Variants in TENM3 observed in about 807,000 individuals in gnomAD.
TENM3 encodes the protein teneurin-3.
In TENM3, 63 loss-of-function variants were observed where a neutral mutation model predicts 255.1. The ratio of observed to expected loss-of-function variants is 0.25; its 90% CI spans 0.20 to 0.30. The LOEUF (loss-of-function observed/expected upper bound fraction) is 0.30, where lower values mean the gene tolerates loss of function less well. Ranked by LOEUF, TENM3 falls within the 10% of genes least tolerant of loss-of-function variation. TENM3 has a pLI of 1.00. For synonymous variants in TENM3, 1,306 were observed against 1,322.3 expected, an observed-to-expected ratio of 0.99 and a Z score of 0.27; for missense variants, 2,929 against 3,461.1, an observed-to-expected ratio of 0.85 and a Z score of 3.86.
chr4:182,225,108 G>C (rs940700807), intron 1 of TENM3, among the ~76,000 whole-genome samples: 1 of 152,026 alleles, frequency 6.6e-6, no homozygotes, highest in Non-Finnish European at 1.5e-5. Flanking sequence ...TTCATCAGAA[G>C]GTGGTGTTGA....
the TENM3 span, among the ~76,000 whole-genome samples, chr4:181,824,895 G>A: frequency 2.6e-5 from 4 of 152,152 alleles, no homozygotes; most frequent in African/African-American, 4.8e-5. Context: ...GTTACAATGC[G>A]TTAAGACCAC....
intron 5 of TENM3, among the ~76,000 whole-genome samples, chr4:182,652,699 G>C (rs6815360): frequency 2.6e-5 from 4 of 152,158 alleles, no homozygotes; most frequent in Admixed American, 2.6e-4. Flanking sequence ...CTTTTTGACA[G>C]TGGTAGTCAT....
chr4:182,362,157 G>A (rs531933512), intron 3 of TENM3, among the ~76,000 whole-genome samples: 36 of 152,284 alleles, frequency 2.4e-4, no homozygotes, highest in East Asian at 7.7e-4. Context: ...TAGGCTGCTC[G>A]GGGGTCAGGG....
intron 3 of TENM3, among the ~76,000 whole-genome samples, chr4:182,545,062 T>C (rs941969119): frequency 1.3e-5 from 2 of 152,162 alleles, no homozygotes; most frequent in African/African-American, 2.4e-5. Flanking sequence ...CTGCAGAGAT[T>C]AAAAAGTAAA....
chr4:181,742,990 TA>T, the TENM3 span, among the ~76,000 whole-genome samples: 1 of 151,736 alleles, frequency 6.6e-6, no homozygotes, highest in East Asian at 1.9e-4. Context: ...TCCATGTCCC[TA>T]CAAAGAACAT....
the TENM3 span, among the ~76,000 whole-genome samples, chr4:182,027,406 A>G: frequency 2.6e-5 from 4 of 152,144 alleles, no homozygotes; most frequent in Admixed American, 2.6e-4. Context: ...ATATAAAATC[A>G]TATCATCCGC....
the TENM3 span, among the ~76,000 whole-genome samples, chr4:181,669,342 C>G: frequency 2.0e-5 from 3 of 152,100 alleles, no homozygotes; most frequent in African/African-American, 7.2e-5. Context: ...ATGTAACTTA[C>G]TGAAGCTCCT....
Position 182,714,154 on chromosome 4 carries a change from G to A in TENM3, c.2289G>A (p.Val763=), listed in dbSNP as rs571918644. ...TGGACCAAAATGGCTGGCATTGTGT[G>A]TGCCAGCCTGGATGGAGAGGAGCAG... The part of the protein sequence containing the change: ...CTLDQNGWHC[V]CQPGWRGAGC... The change falls in exon 13 of 28, where the codon GTG becomes GTA. Residue 763 remains valine, a synonymous_variant. Transcript: ENST00000511685. The A allele has an allele frequency of 6.8e-6, 11 of 1,613,324 alleles. No individual in the cohort carries two copies. In the Admixed American group the frequency reaches 1.0e-4, roughly 15 times the overall value.
At chr4:181,468,009 A>G in the TENM3 span, among the ~76,000 whole-genome samples, 1 of 151,972 alleles carries the variant, frequency 6.6e-6, no homozygotes, top group Non-Finnish European at 1.5e-5. Context: ...AAAAATAAGA[A>G]AAAAGGCCTG....
chr4:182,294,766 C>T (rs745306344), intron 1 of TENM3, among the ~76,000 whole-genome samples: 2 of 152,162 alleles, frequency 1.3e-5, no homozygotes, highest in Non-Finnish European at 2.9e-5. Flanking sequence ...ATGGATCCCA[C>T]GTATAGACAC....
the TENM3 span, among the ~76,000 whole-genome samples, chr4:181,717,230 G>A: frequency 6.6e-6 from 1 of 152,312 alleles, no homozygotes; most frequent in South Asian, 2.1e-4. Flanking sequence ...GGAATTGAAT[G>A]TGGATGCACA....
intron 1 of TENM3, among the ~76,000 whole-genome samples, chr4:182,232,386 T>C (rs1307266714): frequency 1.3e-5 from 2 of 152,190 alleles, no homozygotes; most frequent in African/African-American, 4.8e-5. Context: ...GTCTGTTGTA[T>C]ACCTATTATG....
chr4:181,689,077 G>C, the TENM3 span, among the ~76,000 whole-genome samples: 1 of 152,170 alleles, frequency 6.6e-6, no homozygotes, highest in Admixed American at 6.6e-5. Flanking sequence ...GCAGTAGGCT[G>C]GTGCTGAGGA....
At chr4:181,898,181 A>G in the TENM3 span, among the ~76,000 whole-genome samples, 8 of 152,320 alleles carry the variant, frequency 5.3e-5, no homozygotes, top group African/African-American at 1.9e-4. Flanking sequence ...TACTAAAAAT[A>G]CTTTAGTGGT....
chr4:182,045,843 G>T, the TENM3 span, among the ~76,000 whole-genome samples: 118 of 152,270 alleles, frequency 7.7e-4, no homozygotes, highest in African/African-American at 2.6e-3. Context: ...GAGCCCAGGA[G>T]TTTGAGACCA....
At chr4:181,653,706 T>C in the TENM3 span, among the ~76,000 whole-genome samples, 1 of 151,712 alleles carries the variant, frequency 6.6e-6, no homozygotes, top group Non-Finnish European at 1.5e-5. Flanking sequence ...CCAGCTTTTT[T>C]TTTTTTTTTT....
chr4:182,756,609 A>C (rs1762763260), intron 22 of TENM3, among the ~76,000 whole-genome samples: 1 of 152,176 alleles, frequency 6.6e-6, no homozygotes, highest in Non-Finnish European at 1.5e-5. Context: ...GTAGGAGCAC[A>C]CCTCTGAAAT....
intron 3 of TENM3, among the ~76,000 whole-genome samples, chr4:182,437,756 C>T (rs1051568514): frequency 3.3e-5 from 5 of 151,442 alleles, no homozygotes; most frequent in Non-Finnish European, 4.4e-5. Context: ...TGAGATCGCA[C>T]CACCGCACTT....
At chr4:181,617,394 GA>G in the TENM3 span, among the ~76,000 whole-genome samples, 1 of 152,162 alleles carries the variant, frequency 6.6e-6, no homozygotes, top group Non-Finnish European at 1.5e-5. Context: ...CAAAGGAAGG[GA>G]ATATTTCTAG....
Sources: allele counts gnomAD v4.1 joint callset (sites outside exome capture counted in the v4.1 genomes callset), GRCh38; gene constraint gnomAD v4.1.1; transcripts MANE v1.5; gene names NCBI Gene and HGNC (gene_info 2026-07-23, HGNC 2026-07-21).